PRKAG2: variants seen among roughly 807,000 people sequenced by gnomAD.
PRKAG2 encodes 5'-AMP-activated protein kinase subunit gamma-2.
PRKAG2 carries 26 observed loss-of-function variants against 69.6 expected under a neutral mutation model. The ratio of observed to expected loss-of-function variants is 0.37; its 90% confidence interval spans 0.27 to 0.52. The LOEUF (loss-of-function observed/expected upper bound fraction) is 0.52, where lower values mean the gene tolerates loss of function less well. Among genes scored for constraint, PRKAG2 ranks in the 20% least tolerant of loss-of-function variants. The pLI is 0.90. For synonymous variants in PRKAG2, 293 were observed against 285.0 expected (o/e 1.03, Z -0.28); for missense variants, 557 against 740.0 (o/e 0.75, Z 2.87).
chr7:151,664,350 G>A (rs1277942022), intron 4 of PRKAG2, among the ~76,000 whole-genome samples: 4 of 152,114 alleles, frequency 2.6e-5, no homozygotes, highest in South Asian at 2.1e-4. Flanking sequence ...ACAGAGGCCC[G>A]GGTACAGTGG....
intron 1 of PRKAG2, among the ~76,000 whole-genome samples, chr7:151,854,805 G>A (rs1449773613): frequency 1.3e-5 from 2 of 152,116 alleles, no homozygotes; most frequent in Admixed American, 6.5e-5. Context: ...GGGGAGTCAC[G>A]GAAGGAGGGC....
rs576000005 is a variant in PRKAG2 at position 151,592,974 on chromosome 7, T to C, written c.864+2371A>G. Among the ~76,000 whole-genome samples the C allele has an allele frequency of 2.6e-5, 4 of 152,294 alleles. No individual in the cohort carries two copies. The East Asian group carries it at 7.7e-4, about 29-fold the overall frequency. On this transcript the variant is annotated intron_variant, in intron 6 of 15. Transcript: ENST00000287878. ...GTAATGCATCTCAGCTCCTCTCAAC[T>C]TAGAGGCTCACAGGATAAACGGCTT...
intron 1 of PRKAG2, among the ~76,000 whole-genome samples, chr7:151,790,233 C>G (rs1050554674): frequency 1.3e-5 from 2 of 152,184 alleles, no homozygotes; most frequent in Non-Finnish European, 2.9e-5. Context: ...TTTCCTTCCT[C>G]TTGCTCTTCC....
intron 3 of PRKAG2, among the ~76,000 whole-genome samples, chr7:151,751,716 G>T (rs1475384006): frequency 6.6e-6 from 1 of 150,402 alleles, no homozygotes; most frequent in African/African-American, 2.5e-5. Context: ...GTAGAGACAG[G>T]GTCTCGCTAC....
rs992282424 is a variant in PRKAG2 at position 151,567,734 on chromosome 7, T to C, written c.1233+982A>G. On this transcript the variant is annotated intron_variant, in intron 11 of 15. Transcript: ENST00000287878. This position sits in a 1 kb window ranked among gnomAD's most constrained non-coding sequence, Gnocchi z 4.2. ...TGGTTAAATAAATGTTATTTATATA[T>C]GTAAATGATTAAAATACAAGACTGG... Among the ~76,000 whole-genome samples, 14 of 152,246 alleles carry C rather than the reference T, an allele frequency of 9.2e-5. No individual in the cohort carries two copies. Among genetic ancestry groups the C allele is most frequent in the African/African-American group, 2.4e-4 (10 of 41,462 alleles).
intron 4 of PRKAG2, chr7:151,633,071 G>A (rs1825076049): frequency 6.6e-6 from 1 of 152,212 alleles, no homozygotes; most frequent in Admixed American, 6.5e-5. Flanking sequence ...CAGAGTGCAC[G>A]GGCGCCGCGA....
intron 5 of PRKAG2, among the ~76,000 whole-genome samples, chr7:151,617,471 T>C (rs936866243): frequency 1.1e-4 from 16 of 152,266 alleles, no homozygotes; most frequent in Admixed American, 7.8e-4. Context: ...TTGGAATGCA[T>C]TGAACCATTC....
chr7:151,757,461 C>G (rs1044790202), intron 3 of PRKAG2, among the ~76,000 whole-genome samples: 1 of 152,216 alleles, frequency 6.6e-6, no homozygotes, highest in Non-Finnish European at 1.5e-5. Flanking sequence ...AGTGCCCGCT[C>G]CAGGGTGGGG....
At chr7:151,695,696 T>C (rs1446253856) in intron 3 of PRKAG2, among the ~76,000 whole-genome samples, 1 of 152,190 alleles carries the variant, frequency 6.6e-6, no homozygotes, top group Non-Finnish European at 1.5e-5. Flanking sequence ...ATAGGAACTC[T>C]TGAATGGGCC....
Position 151,828,757 on chromosome 7 carries a change from C to CAA in PRKAG2, c.115-42218_115-42217dup, listed in dbSNP as rs113813563. On this transcript the variant is annotated intron_variant, in intron 1 of 15. Coordinates refer to ENST00000287878, the MANE Select transcript of PRKAG2 (RefSeq NM_016203.4). The surrounding 1 kb of genome is among the most constrained non-coding windows in gnomAD (Gnocchi z 4.6). The stretch of plus-strand genomic sequence containing the variant: ...ACAACACAGCGAGACCCTGTCTTTA[C>CAA]AAAAAAAAAAAAAACTTTAAAAGTC... Among the ~76,000 whole-genome samples the CAA allele has an allele frequency of 5.5e-5, 6 of 109,522 alleles. No individual in the cohort carries two copies. The highest frequency in any genetic ancestry group is 7.9e-5 in the Non-Finnish European group (4 of 50,942). The allele number at this position is 109,522 out of a possible 152,430, so 71.9% of individuals were successfully genotyped here. A position where few individuals can be genotyped will look rare whatever the true frequency, so the allele number is the denominator to read the frequency against.
Position 151,739,616 on chromosome 7 carries a change from C to A in PRKAG2, c.466+41536G>T, listed in dbSNP as rs138865240. On this transcript the variant is annotated intron_variant, in intron 3 of 15. Transcript: ENST00000287878. ...TCACAAGTGGCTGGGACTACAGGTGCACACCACCACACCCAGGCAATTTTT... is the reference window on the plus strand; with the variant it reads ...TCACAAGTGGCTGGGACTACAGGTGAACACCACCACACCCAGGCAATTTTT... 5.7e-3 allele frequency among the ~76,000 whole-genome samples: 867 copies of A among 152,150 alleles called. 9 individuals are homozygous for A. Among genetic ancestry groups the A allele is most frequent in the African/African-American group, 0.02 (828 of 41,510 alleles).
At chr7:151,570,991 G>A (rs940021589) in intron 9 of PRKAG2, among the ~76,000 whole-genome samples, 4 of 151,816 alleles carry the variant, frequency 2.6e-5, no homozygotes, top group Non-Finnish European at 2.9e-5. Flanking sequence ...GGCTGGTCTC[G>A]CACTCCTGAC....
At chr7:151,715,560 T>C (rs1796050383) in intron 3 of PRKAG2, among the ~76,000 whole-genome samples, 1 of 152,014 alleles carries the variant, frequency 6.6e-6, no homozygotes, top group African/African-American at 2.4e-5. Context: ...TTCACCATAT[T>C]GGTCAGGCTG....
At chr7:151,591,123 G>A (rs1813019980) in intron 6 of PRKAG2, among the ~76,000 whole-genome samples, 1 of 152,210 alleles carries the variant, frequency 6.6e-6, no homozygotes, top group African/African-American at 2.4e-5. Context: ...ACAGGTGAGG[G>A]GCCCCTTCAA....
intron 5 of PRKAG2, among the ~76,000 whole-genome samples, chr7:151,595,798 G>T (rs1222889821): frequency 6.6e-6 from 1 of 152,150 alleles, no homozygotes; most frequent in Non-Finnish European, 1.5e-5. Flanking sequence ...GTTTAGCAGG[G>T]TCATAGAATT....
intron 1 of PRKAG2, among the ~76,000 whole-genome samples, chr7:151,817,330 C>T (rs112124870): frequency 3.3e-5 from 5 of 152,188 alleles, no homozygotes; most frequent in South Asian, 2.1e-4. Flanking sequence ...CGGACTCACC[C>T]GCTCTAATTC....
chr7:151,742,698 G>A (rs1333796161), intron 3 of PRKAG2, among the ~76,000 whole-genome samples: 3 of 152,034 alleles, frequency 2.0e-5, no homozygotes, highest in East Asian at 1.9e-4. Flanking sequence ...CAGACCAGAC[G>A]AGTCAGGAGG....
At chr7:151,631,501 GA>G (rs982428750) in intron 5 of PRKAG2, 8 of 271,170 alleles carry the variant, frequency 3.0e-5, no homozygotes, top group African/African-American at 6.7e-5. Flanking sequence ...ACAGGAGAGG[GA>G]AAAAAAACAA....
rs1005873145 is a variant in PRKAG2 at position 151,794,495 on chromosome 7, G to A, written c.115-7954C>T. Among the ~76,000 whole-genome samples the A allele has an allele frequency of 2.0e-5, 3 of 152,242 alleles. No individual in the cohort carries two copies. In the South Asian group the frequency reaches 6.2e-4, roughly 31 times the overall value. ...ATCAAAGGCCCTTCCCGCGGTGTGA[G>A]CCCCCGTGGCACTGGGCATGGCGAG... On this transcript the variant is annotated intron_variant, in intron 1 of 15. Coordinates refer to ENST00000287878, the MANE Select transcript of PRKAG2 (RefSeq NM_016203.4).
Sources: allele counts gnomAD v4.1 joint callset (sites outside exome capture counted in the v4.1 genomes callset), GRCh38; gene constraint gnomAD v4.1.1; non-coding constraint Gnocchi (gnomAD v3.1); transcripts MANE v1.5; gene names NCBI Gene and HGNC (gene_info 2026-07-23, HGNC 2026-07-21).